The following EPB41L2 variants were observed in gnomAD, a reference collection of about 807,000 sequenced individuals.
EPB41L2 encodes the protein erythrocyte membrane protein band 4.1 like 2.
In EPB41L2, 43 loss-of-function variants were observed where a neutral mutation model predicts 113.0. That is an observed-to-expected ratio of 0.38 (90% CI 0.30 to 0.49). EPB41L2 has a LOEUF of 0.49. Ranked by LOEUF, EPB41L2 falls within the 20% of genes least tolerant of loss-of-function variation. EPB41L2 has a pLI of 0.95. For synonymous variants in EPB41L2, 442 were observed against 436.7 expected, an observed-to-expected ratio of 1.01 and a Z score of -0.15; for missense variants, 1,147 against 1,223.4, an observed-to-expected ratio of 0.94 and a Z score of 0.93.
intron 1 of EPB41L2, among the ~76,000 whole-genome samples, chr6:131,045,109 C>T (rs1795159765): frequency 6.6e-6 from 1 of 152,196 alleles, no homozygotes; most frequent in East Asian, 1.9e-4. Context: ...AGTTTTATCC[C>T]TTCAGTTATT....
intron 1 of EPB41L2, among the ~76,000 whole-genome samples, chr6:130,996,869 T>A (rs1255126505): frequency 1.3e-5 from 2 of 152,206 alleles, no homozygotes; most frequent in Non-Finnish European, 2.9e-5. Context: ...GCACTGAACA[T>A]GTGTTATAAT....
chr6:130,955,994 C>G lies in EPB41L2; in HGVS notation c.492G>C (p.Gln164His). The change falls in exon 2 of 20, where the codon CAG becomes CAC. Residue 164 changes from glutamine (Q) to histidine (H), a missense_variant and splice_region_variant. Physicochemically the swap from Gln to His is conservative, Grantham distance 24 (BLOSUM62 0). Transcript: ENST00000337057. ...EKPSVSKVEM[Q>H]PTELVSKERE... ...TCCAGGCAATTATTCCCAAACATACCTGCATCTCCACTTTGCTCACTGAGG... is the reference window on the plus strand; with the variant it reads ...TCCAGGCAATTATTCCCAAACATACGTGCATCTCCACTTTGCTCACTGAGG... 1 of 1,606,734 alleles carries G rather than the reference C, an allele frequency of 6.2e-7. No homozygotes were observed. The highest frequency in any genetic ancestry group is 2.2e-5 in the East Asian group (1 of 44,830).
At chr6:130,990,320 C>CAA (rs920248327) in intron 1 of EPB41L2, among the ~76,000 whole-genome samples, 2 of 126,698 alleles carry the variant, frequency 1.6e-5, no homozygotes, top group South Asian at 2.5e-4. Context: ...GACTCTGTCT[C>CAA]AAAAAAAAAA....
intron 1 of EPB41L2, among the ~76,000 whole-genome samples, chr6:130,984,766 T>C (rs1185349523): frequency 6.6e-6 from 1 of 152,222 alleles, no homozygotes; most frequent in Admixed American, 6.5e-5. Context: ...AGAAAATACA[T>C]ACATTCTAGA....
intron 1 of EPB41L2, among the ~76,000 whole-genome samples, chr6:130,983,001 T>C (rs944093218): frequency 6.6e-6 from 1 of 152,220 alleles, no homozygotes; most frequent in African/African-American, 2.4e-5. Flanking sequence ...AGATAAATTC[T>C]TGACATCACA....
At chr6:130,928,558 C>T (rs1395729799) in intron 3 of EPB41L2, among the ~76,000 whole-genome samples, 2 of 152,242 alleles carry the variant, frequency 1.3e-5, no homozygotes, top group Non-Finnish European at 2.9e-5. Flanking sequence ...CCAATTCCAA[C>T]ACTAGCTTCA....
At chr6:130,934,481 T>G (rs9375782) in intron 3 of EPB41L2, among the ~76,000 whole-genome samples, 64,720 of 152,006 alleles carry the variant, frequency 0.43, 16,259 homozygotes, top group Non-Finnish European at 0.54. Context: ...TACATATTTC[T>G]CTTTTCTAAG....
intron 1 of EPB41L2, among the ~76,000 whole-genome samples, chr6:131,002,862 G>A (rs1236507625): frequency 2.6e-5 from 4 of 152,148 alleles, no homozygotes; most frequent in African/African-American, 4.8e-5. Flanking sequence ...CAGTTAGATG[G>A]ATTTAACCCT....
chr6:130,862,170 A>G (rs137897270), intron 18 of EPB41L2, among the ~76,000 whole-genome samples: 6 of 152,358 alleles, frequency 3.9e-5, no homozygotes, highest in South Asian at 2.1e-4. Flanking sequence ...AGGCCAAAAT[A>G]TTCTTTTGCC....
At position 130,911,124 on chromosome 6, in the gene EPB41L2, T is replaced by C. The variant is rs1449692997; in HGVS notation, c.811-2261A>G. Reference sequence around the variant, plus strand: ...ACAATAGCAATGACTTGGAACCAACTCAAATGCCTATCAATGATAGACTGG... The same window carrying C: ...ACAATAGCAATGACTTGGAACCAACCCAAATGCCTATCAATGATAGACTGG... On this transcript the variant is annotated intron_variant, in intron 4 of 19. Transcript: ENST00000337057. Among the ~76,000 whole-genome samples the C allele has an allele frequency of 4.6e-5, 7 of 152,190 alleles. No individual in the cohort carries two copies. The East Asian group carries it at 1.4e-3, about 29-fold the overall frequency.
intron 3 of EPB41L2, among the ~76,000 whole-genome samples, chr6:130,934,018 T>A (rs558096688): frequency 6.6e-6 from 1 of 152,058 alleles, no homozygotes; most frequent in Non-Finnish European, 1.5e-5. Context: ...TTGCACTAGC[T>A]CCAAACAACA....
chr6:130,908,152 C>T (rs1240185836), intron 5 of EPB41L2, among the ~76,000 whole-genome samples: 1 of 152,196 alleles, frequency 6.6e-6, no homozygotes, highest in East Asian at 1.9e-4. Flanking sequence ...AAACAACCTG[C>T]AGAGGCAGAA....
At chr6:130,894,261 C>T in intron 10 of EPB41L2, 83 bp downstream of exon 10, 1 of 1,083,536 alleles carries the variant, frequency 9.2e-7, no homozygotes, top group Non-Finnish European at 1.4e-6. Flanking sequence ...GTCAAGTGAT[C>T]CTCCCACCTC....
intron 1 of EPB41L2, among the ~76,000 whole-genome samples, chr6:130,957,081 G>A (rs1285884929): frequency 2.6e-5 from 4 of 152,076 alleles, no homozygotes; most frequent in African/African-American, 9.7e-5. Context: ...ATTAAATCCC[G>A]TAATTCACCA....
chr6:130,864,051 A>T (rs1782951394), intron 17 of EPB41L2, among the ~76,000 whole-genome samples: 1 of 152,204 alleles, frequency 6.6e-6, no homozygotes, highest in African/African-American at 2.4e-5. Context: ...TAGTTCCTTT[A>T]AGGGAATTCT....
At chr6:130,993,176 G>A (rs1562683416) in intron 1 of EPB41L2, among the ~76,000 whole-genome samples, 3 of 152,026 alleles carry the variant, frequency 2.0e-5, no homozygotes, top group Admixed American at 2.0e-4. Context: ...TTTGATCCTA[G>A]TCACCTTTAC....
In EPB41L2 at chr6:130,869,607, G is replaced by A. The variant is rs1342226678; in HGVS notation, c.2563C>T (p.His855Tyr). 1 of 1,613,984 alleles carries A rather than the reference G, an allele frequency of 6.2e-7. No individual in the cohort carries two copies. Among genetic ancestry groups the A allele is most frequent in the Non-Finnish European group, 8.5e-7 (1 of 1,180,030 alleles). The change falls in exon 15 of 20, where the codon CAT (histidine) becomes TAT (tyrosine). Residue 855 changes from histidine (H) to tyrosine (Y), a missense_variant. By Grantham distance (83) the His-to-Tyr change is moderately conservative. Transcript: ENST00000337057. Reference sequence around the variant, plus strand: ...TGTGGCAAAACATCAATGTCAACATGGGACACCTCTCCGTTAACTTTCTGT... The same window carrying A: ...TGTGGCAAAACATCAATGTCAACATAGGACACCTCTCCGTTAACTTTCTGT... ...EPQKVNGEVS[H>Y]VDIDVLPQII...
At chr6:130,870,200 C>T (rs1012706066) in intron 14 of EPB41L2, 74 bp from the exon 15 acceptor site, 14 of 1,532,232 alleles carry the variant, frequency 9.1e-6, no homozygotes, top group South Asian at 8.5e-5. Context: ...CCAAATTAAC[C>T]GATGGCAGAT....
chr6:130,916,591 A>T (rs550275945), intron 4 of EPB41L2, among the ~76,000 whole-genome samples: 1 of 152,318 alleles, frequency 6.6e-6, no homozygotes, highest in African/African-American at 2.4e-5. Context: ...GGGACCATGA[A>T]CCACATGGGC....
Sources: gnomAD v4.1 joint callset for allele counts (sites outside exome capture counted in the v4.1 genomes callset) on GRCh38, gnomAD v4.1.1 for gene constraint, MANE v1.5 for transcripts, NCBI Gene and HGNC (gene_info 2026-07-23, HGNC 2026-07-21) for gene names.